Variants in DAB1 observed in about 807,000 individuals in gnomAD.
DAB1 encodes the protein DAB adaptor protein 1, also known as disabled homolog 1.
DAB1 carries 15 observed loss-of-function variants against 64.6 expected under a neutral mutation model. That is an observed-to-expected ratio of 0.23 (90% confidence interval 0.16 to 0.36). The LOEUF is 0.36. Among genes scored for constraint, DAB1 ranks in the 10% least tolerant of loss-of-function variants. DAB1 has a pLI of 1.00. For synonymous variants in DAB1, 235 were observed against 251.9 expected (o/e 0.93, Z 0.64); for missense variants, 596 against 706.7 (o/e 0.84, Z 1.78).
chr1:58,012,489 A>AT (rs1239414463), intron 5 of DAB1, among the ~76,000 whole-genome samples: 1 of 152,188 alleles, frequency 6.6e-6, no homozygotes, highest in Non-Finnish European at 1.5e-5. Context: ...AAGTATAATA[A>AT]TTAAAAAAAA....
chr1:57,446,484 C>T (rs1370652642), intron 7 of DAB1, among the ~76,000 whole-genome samples: 1 of 151,478 alleles, frequency 6.6e-6, no homozygotes, highest in Non-Finnish European at 1.5e-5. Flanking sequence ...ATAATCCCAG[C>T]TACTTGGGAA....
At position 57,306,513 on chromosome 1, in the gene DAB1, C is replaced by CTT. The variant is rs1166241090; in HGVS notation, c.-136-15349_-136-15348dup. On this transcript the variant is annotated intron_variant, in intron 1 of 14. Coordinates refer to ENST00000371236, the MANE Select transcript of DAB1 (RefSeq NM_001365792.1). ...AACTTCTTTTCTCTCTTAGAACAGG[C>CTT]TTTTTTTTTTTTTTTTTTTTTTTAC... Among the ~76,000 whole-genome samples the CTT allele has an allele frequency of 5.6e-3, 636 of 114,126 alleles. 5 individuals are homozygous for CTT. The highest frequency in any genetic ancestry group is 0.011 in the African/African-American group (337 of 30,292). 74.9% of individuals were successfully genotyped at this position (114,126 alleles called of 152,430 possible).
intron 3 of DAB1, chr1:58,468,758 C>T (rs1287589450): frequency 6.5e-6 from 1 of 152,968 alleles, no homozygotes; most frequent in African/African-American, 2.4e-5. Context: ...AGTCCTCATG[C>T]AATAGTCATC....
intron 7 of DAB1, among the ~76,000 whole-genome samples, chr1:57,628,125 G>A (rs971173212): frequency 6.6e-6 from 1 of 152,178 alleles, no homozygotes; most frequent in Admixed American, 6.5e-5. Context: ...ACTCTGCCTC[G>A]TGGGTGTGAC....
At chr1:58,262,888 T>C (rs1012368691) in intron 4 of DAB1, among the ~76,000 whole-genome samples, 7 of 152,218 alleles carry the variant, frequency 4.6e-5, no homozygotes, top group African/African-American at 1.7e-4. Context: ...ACAATCTCAA[T>C]GTTCCTAAGT....
intron 6 of DAB1, among the ~76,000 whole-genome samples, chr1:57,689,580 G>A (rs574452135): frequency 7.9e-5 from 12 of 152,236 alleles, no homozygotes; most frequent in South Asian, 4.1e-4. Flanking sequence ...TGTGCTCATC[G>A]TTACCTAGTA....
chr1:58,095,682 G>A (rs989467540), intron 5 of DAB1, among the ~76,000 whole-genome samples: 7 of 152,142 alleles, frequency 4.6e-5, no homozygotes, highest in African/African-American at 1.7e-4. Context: ...ATCCCACCCC[G>A]GACATGCATT....
At chr1:57,166,840 A>G (rs891098964) in intron 2 of DAB1, among the ~76,000 whole-genome samples, 1 of 152,152 alleles carries the variant, frequency 6.6e-6, no homozygotes, top group Non-Finnish European at 1.5e-5. Flanking sequence ...AAAGAAACTC[A>G]AAGAGAGGCA....
At chr1:58,247,295 C>G (rs1468829837) in intron 4 of DAB1, among the ~76,000 whole-genome samples, 1 of 142,960 alleles carries the variant, frequency 7.0e-6, no homozygotes, top group Non-Finnish European at 1.5e-5. Flanking sequence ...ATAAATAATA[C>G]ATGACTGTAG....
intron 7 of DAB1, among the ~76,000 whole-genome samples, chr1:57,486,937 G>A (rs1644099299): frequency 6.7e-6 from 1 of 149,894 alleles, no homozygotes; most frequent in Non-Finnish European, 1.5e-5. Context: ...CATTTACTAT[G>A]TACCCACAAA....
At chr1:57,418,188 G>GT (rs1460657173) in intron 1 of DAB1, among the ~76,000 whole-genome samples, 1 of 152,186 alleles carries the variant, frequency 6.6e-6, no homozygotes, top group East Asian at 1.9e-4. Flanking sequence ...GGACATAGAA[G>GT]TGATGTTTAT....
chr1:58,360,232 AGGGAAG>A (rs1644152198), intron 3 of DAB1, among the ~76,000 whole-genome samples: 1 of 152,154 alleles, frequency 6.6e-6, no homozygotes, highest in African/African-American at 2.4e-5. Context: ...ACCTGGGCCA[AGGGAAG>A]GCTGCAAGGA....
At chr1:57,688,786 C>A (rs114351559) in intron 6 of DAB1, among the ~76,000 whole-genome samples, 1 of 152,118 alleles carries the variant, frequency 6.6e-6, no homozygotes, top group Non-Finnish European at 1.5e-5. Flanking sequence ...CAGCTAGTGA[C>A]CCTGTTCCTA....
chr1:58,374,971 GCTCT>G (rs1187544045), intron 3 of DAB1, among the ~76,000 whole-genome samples: 4 of 137,110 alleles, frequency 2.9e-5, no homozygotes, highest in Non-Finnish European at 1.6e-5. Context: ...TCATGATTTG[GCTCT>G]CTGTTTGTCT....
At chr1:57,217,961 C>T (rs749432242) in intron 2 of DAB1, among the ~76,000 whole-genome samples, 35 of 151,982 alleles carry the variant, frequency 2.3e-4, no homozygotes, top group Middle Eastern at 3.2e-3. Flanking sequence ...ACTACTAGGT[C>T]CCAAGGAAAA....
At chr1:57,048,067 A>T (rs567086870) in intron 9 of DAB1, among the ~76,000 whole-genome samples, 1 of 152,274 alleles carries the variant, frequency 6.6e-6, no homozygotes, top group African/African-American at 2.4e-5. Flanking sequence ...TCTTAAAAGA[A>T]CTCTATAAGG....
intron 6 of DAB1, among the ~76,000 whole-genome samples, chr1:57,727,399 T>C (rs1370109084): frequency 6.6e-6 from 1 of 152,204 alleles, no homozygotes; most frequent in African/African-American, 2.4e-5. Context: ...TGCTAAGTGA[T>C]GGCATGCATT....
intron 2 of DAB1, among the ~76,000 whole-genome samples, chr1:57,176,457 C>T (rs155315): frequency 0.62 from 93,491 of 151,756 alleles, 29,998 homozygotes; most frequent in African/African-American, 0.8. Context: ...CCGCCCCCCA[C>T]AATTCAATCA....
chr1:57,949,511 A>ATATCTG (rs1645237464), intron 5 of DAB1, among the ~76,000 whole-genome samples: 3 of 137,208 alleles, frequency 2.2e-5, no homozygotes, highest in South Asian at 2.4e-4. Context: ...ATCTATCTAT[A>ATATCTG]TCTGTCTGTC....
Sources: gnomAD v4.1 joint callset for allele counts (sites outside exome capture counted in the v4.1 genomes callset) on GRCh38, gnomAD v4.1.1 for gene constraint, MANE v1.5 for transcripts, NCBI Gene and HGNC (gene_info 2026-07-23, HGNC 2026-07-21) for gene names.